The following SASH1 variants were observed in gnomAD, a reference collection of about 807,000 sequenced individuals.
SASH1 encodes the protein SAM and SH3 domain-containing protein 1.
A neutral mutation model predicts 125.2 loss-of-function variants in SASH1; 44 were observed. The ratio of observed to expected loss-of-function variants is 0.35; its 90% confidence interval spans 0.28 to 0.45. The LOEUF is 0.45. SASH1 is among the 20% of genes least tolerant of loss of function. SASH1 has a pLI of 1.00. For synonymous variants in SASH1, 639 were observed against 649.1 expected (o/e 0.98, Z 0.24); for missense variants, 1,426 against 1,614.5 (o/e 0.88, Z 2.00).
At chr6:148,521,074 CTT>C (rs554706922) in intron 10 of SASH1, among the ~76,000 whole-genome samples, 1 of 152,318 alleles carries the variant, frequency 6.6e-6, no homozygotes, top group South Asian at 2.1e-4. Flanking sequence ...ATGTTTTTCA[CTT>C]TTAACGCTGG....
At chr6:148,321,130 C>A (rs1326031214) in intron 1 of SASH1, among the ~76,000 whole-genome samples, 1 of 152,162 alleles carries the variant, frequency 6.6e-6, no homozygotes, top group African/African-American at 2.4e-5. Flanking sequence ...CGGTGGCTCA[C>A]ATCTGTAATC....
chr6:148,489,726 T>G (rs563485463), intron 8 of SASH1, among the ~76,000 whole-genome samples: 1 of 152,270 alleles, frequency 6.6e-6, no homozygotes, highest in East Asian at 1.9e-4. Context: ...TTTGATGTTA[T>G]TGTAAGTGAC....
the SASH1 span, among the ~76,000 whole-genome samples, chr6:148,232,549 G>A: frequency 1.3e-5 from 2 of 152,180 alleles, no homozygotes; most frequent in African/African-American, 4.8e-5. Context: ...GTGTTGTCGG[G>A]TATGTTAAAT....
upstream of SASH1, among the ~76,000 whole-genome samples, chr6:148,267,829 G>A (rs958955297): frequency 4.6e-5 from 7 of 152,150 alleles, no homozygotes; most frequent in Admixed American, 3.3e-4. Flanking sequence ...GGAAGGGGGC[G>A]TGGAGTCTAT....
chr6:148,487,160 A>C (rs9766598), intron 7 of SASH1, among the ~76,000 whole-genome samples: 5 of 146,624 alleles, frequency 3.4e-5, no homozygotes, highest in African/African-American at 1.3e-4. Context: ...ACCCCATTTC[A>C]CTAAAATGTC....
intron 4 of SASH1, among the ~76,000 whole-genome samples, chr6:148,462,009 C>G (rs1403544816): frequency 2.0e-5 from 3 of 151,660 alleles, no homozygotes; most frequent in Non-Finnish European, 4.4e-5. Context: ...ATGCACAATT[C>G]AGTAGCACAG....
the SASH1 span, among the ~76,000 whole-genome samples, chr6:148,266,977 G>A: frequency 6.6e-6 from 1 of 152,098 alleles, no homozygotes; most frequent in African/African-American, 2.4e-5. Flanking sequence ...GGCACATAGA[G>A]AGTGAGGTAG....
In SASH1 at chr6:148,388,852, A is replaced by G. The variant is rs370441896; in HGVS notation, c.157-1282A>G. 1.8e-4 allele frequency among the ~76,000 whole-genome samples: 27 copies of G among 152,312 alleles called. 2 individuals are homozygous for G. Among genetic ancestry groups the G allele is most frequent in the African/African-American group, 6.0e-4 (25 of 41,574 alleles). On this transcript the variant is annotated intron_variant, in intron 1 of 19. Coordinates refer to ENST00000367467, the MANE Select transcript of SASH1 (RefSeq NM_015278.5). ...GAAGGGGTTGGCTAGCAGTCTGTAAAATGGAAAATGTGTGTGTGGCTTTAG... is the reference window on the plus strand; with the variant it reads ...GAAGGGGTTGGCTAGCAGTCTGTAAGATGGAAAATGTGTGTGTGGCTTTAG...
intron 2 of SASH1, among the ~76,000 whole-genome samples, chr6:148,435,518 A>C (rs1562407424): frequency 6.6e-6 from 1 of 152,150 alleles, no homozygotes; most frequent in Non-Finnish European, 1.5e-5. Flanking sequence ...GGAGTATCTA[A>C]ATTTCATAAA....
rs576456464 is a variant in SASH1, at chr6:148,439,321, C to T, written c.286-863C>T. Among the ~76,000 whole-genome samples, 51 of 152,230 alleles carry T rather than the reference C, an allele frequency of 3.4e-4. No individual in the cohort carries two copies. In the South Asian group the frequency reaches 9.5e-3, roughly 28 times the overall value. ...TTTCATTTATCAACTCGATACCGCG[C>T]GAGTGTTTGTTTTTAAATTTCCAGA... On this transcript the variant is annotated intron_variant, in intron 2 of 19. Coordinates refer to ENST00000367467, the MANE Select transcript of SASH1 (RefSeq NM_015278.5).
chr6:148,240,477 T>G, the SASH1 span, among the ~76,000 whole-genome samples: 1 of 152,234 alleles, frequency 6.6e-6, no homozygotes, highest in Admixed American at 6.5e-5. Context: ...TGGTTTACAA[T>G]TAAGTCATTA....
At chr6:148,431,710 A>G (rs1046329964) in intron 2 of SASH1, among the ~76,000 whole-genome samples, 6 of 151,836 alleles carry the variant, frequency 4.0e-5, no homozygotes, top group African/African-American at 1.5e-4. Context: ...CGTCTGAGAC[A>G]GGTCAGCCAG....
At chr6:148,290,148 G>A (rs567905736) in intron 1 of SASH1, among the ~76,000 whole-genome samples, 48 of 150,520 alleles carry the variant, frequency 3.2e-4, no homozygotes, top group East Asian at 2.8e-3. Flanking sequence ...GATTACAGGC[G>A]AGAGCCACCG....
chr6:148,294,277 C>T (rs549911026), intron 1 of SASH1, among the ~76,000 whole-genome samples: 35 of 152,302 alleles, frequency 2.3e-4, no homozygotes, highest in Admixed American at 1.8e-3. Flanking sequence ...AAGAAACTGT[C>T]GCAGGATCAG....
chr6:148,353,221 C>A (rs1239221171), intron 1 of SASH1, among the ~76,000 whole-genome samples: 2 of 151,520 alleles, frequency 1.3e-5, no homozygotes, highest in Non-Finnish European at 2.9e-5. Flanking sequence ...GCGTGCATTA[C>A]CACGCTCAGC....
intron 1 of SASH1, among the ~76,000 whole-genome samples, chr6:148,345,211 G>A (rs1794492093): frequency 6.6e-6 from 1 of 152,150 alleles, no homozygotes; most frequent in Admixed American, 6.5e-5. Context: ...TGAAACTTGG[G>A]CTGAGGGTTC....
chr6:148,402,666 A>G (rs1290101688), intron 2 of SASH1, among the ~76,000 whole-genome samples: 2 of 146,558 alleles, frequency 1.4e-5, no homozygotes, highest in Non-Finnish European at 3.0e-5. Flanking sequence ...CCAGGCTGGA[A>G]TGCAGTGGCA....
Position 148,349,810 on chromosome 6 carries a change from C to T in SASH1, c.156+6587C>T, listed in dbSNP as rs566288168. ...AAGAGTGGGCTGAGTTAATGCAAGA[C>T]ATTTTAGAGATGTCGTATGCCTTGT... On this transcript the variant is annotated intron_variant, in intron 1 of 19. Coordinates refer to ENST00000367467, the MANE Select transcript of SASH1 (RefSeq NM_015278.5). Among the ~76,000 whole-genome samples, 174 of 151,916 alleles carry T rather than the reference C, an allele frequency of 1.1e-3. 5 individuals are homozygous for T. In the South Asian group the frequency reaches 0.035, roughly 31 times the overall value.
intron 4 of SASH1, among the ~76,000 whole-genome samples, chr6:148,449,831 A>G (rs550921139): frequency 9.2e-5 from 14 of 152,310 alleles, no homozygotes; most frequent in African/African-American, 3.4e-4. Context: ...GGAAGTGAAT[A>G]TGTGTGAAGA....
Sources: gnomAD v4.1 joint callset for allele counts (sites outside exome capture counted in the v4.1 genomes callset) on GRCh38, gnomAD v4.1.1 for gene constraint, MANE v1.5 for transcripts, NCBI Gene and HGNC (gene_info 2026-07-23, HGNC 2026-07-21) for gene names.